The following IFI27L2 variants were observed in gnomAD, a reference collection of about 807,000 sequenced individuals.
IFI27L2 encodes interferon alpha-inducible protein 27-like protein 2.
In IFI27L2, 8 loss-of-function variants were observed where a neutral mutation model predicts 7.9. The ratio of observed to expected loss-of-function variants is 1.02; its 90% CI spans 0.60 to 1.84. IFI27L2 has a LOEUF of 1.84. Ranked by LOEUF, IFI27L2 falls within the 40% of genes most tolerant of loss-of-function variation. The pLI, the probability that IFI27L2 is intolerant of heterozygous loss-of-function variation, is 0.00. For synonymous variants in IFI27L2, 56 were observed against 66.5 expected (o/e 0.84, Z 0.77); for missense variants, 190 against 165.8 (o/e 1.15, Z -0.80).
Position 94,128,678 on chromosome 14 carries a change from G to C in IFI27L2, c.38-3C>G. The stretch of plus-strand genomic sequence containing the variant: ...GGGCACAGCCCCCACTGCCAGGGCT[G>C]TGGGGAGAGAGAAGCTGAGTGCAGA... On this transcript the variant is annotated splice_region_variant and splice_polypyrimidine_tract_variant and intron_variant, in intron 2 of 3. Transcript: ENST00000238609. 8 of 1,609,416 alleles carry C rather than the reference G, an allele frequency of 5.0e-6. No homozygotes were observed. Among genetic ancestry groups the C allele is most frequent in the Non-Finnish European group, 6.8e-6 (8 of 1,177,798 alleles).
chr14:94,129,246 G>A lies in IFI27L2; in HGVS notation c.37+16C>T. 6.2e-7 allele frequency: 1 copy of A among 1,610,344 alleles called. No homozygotes were observed. The highest frequency in any genetic ancestry group is 8.5e-7 in the Non-Finnish European group (1 of 1,177,068). On this transcript the variant is annotated intron_variant, in intron 2 of 3. Transcript: ENST00000238609. Reference sequence around the variant, plus strand: ...GCTAGGTGAGGGCCTGGAGACAGGCGATCCGGGTAACTTACCTCCTCCCAC... The same window carrying A: ...GCTAGGTGAGGGCCTGGAGACAGGCAATCCGGGTAACTTACCTCCTCCCAC...
intron 3 of IFI27L2, chr14:94,128,235 G>A (rs1036434957): frequency 5.1e-6 from 3 of 589,708 alleles, no homozygotes; most frequent in South Asian, 4.4e-5. Context: ...GAGGCCCAGA[G>A]AGGACAGGGG....
intron 2 of IFI27L2, 95 bp downstream of exon 2, chr14:94,129,167 T>G: frequency 1.0e-6 from 1 of 965,600 alleles, no homozygotes; most frequent in East Asian, 2.4e-5. Flanking sequence ...AAGTGGAGGG[T>G]GAGAGCCAGC....
In IFI27L2 at chr14:94,127,830, G is replaced by A; in HGVS notation, c.362C>T (p.Pro121Leu). The A allele has an allele frequency of 6.2e-7, 1 of 1,614,084 alleles. No homozygotes were observed. The highest frequency in any genetic ancestry group is 8.5e-7 in the Non-Finnish European group (1 of 1,179,956). Residue 121 changes from proline (P) to leucine (L), a missense_variant, in exon 4 of 4, where the codon CCC (proline) becomes CTC (leucine). Transcript: ENST00000238609. ...CTCATGTTTCTCTGACTTGAGTGGG[G>A]GTTTTGGAGGTTCACCTTGGGGTAC... ...ENVPQGEPPK[P>L]PLKSEKHEE
At position 94,128,460 on chromosome 14, in the gene IFI27L2, A is replaced by G. The variant is rs1180287933; in HGVS notation, c.199+54T>C. ...GGTGAGAAGAGCTTCCCTCGGGCTCAGCCTCAGGGCTGGATCTTCTCGCAG... is the reference window on the plus strand; with the variant it reads ...GGTGAGAAGAGCTTCCCTCGGGCTCGGCCTCAGGGCTGGATCTTCTCGCAG... On this transcript the variant is annotated intron_variant, in intron 3 of 3. Transcript: ENST00000238609. 17 of 1,559,584 alleles carry G rather than the reference A, an allele frequency of 1.1e-5. No individual in the cohort carries two copies. In the Admixed American group the frequency reaches 2.8e-4, roughly 26 times the overall value.
In IFI27L2 at chr14:94,129,297, G is replaced by C. The variant is rs372862628; in HGVS notation, c.8-6C>G. ...TGCAGCAGCAGCTGCCCGTTCTAGA[G>C]AGAGAGTGCCAGGGGAAGGCAGAGG... On this transcript the variant is annotated splice_region_variant and splice_polypyrimidine_tract_variant and intron_variant, in intron 1 of 3. Transcript: ENST00000238609. The C allele has an allele frequency of 1.4e-5, 22 of 1,605,434 alleles. No homozygotes were observed. Among genetic ancestry groups the C allele is most frequent in the Admixed American group, 3.4e-5 (2 of 59,532 alleles).
In IFI27L2 at chr14:94,129,283, C is replaced by G; in HGVS notation, c.16G>C (p.Ala6Pro). Residue 6 changes from alanine (A) to proline (P), a missense_variant, in exon 2 of 4, where the codon GCT (alanine) becomes CCT (proline). By Grantham distance (27) the Ala-to-Pro change is conservative (BLOSUM62 -1). Coordinates refer to ENST00000238609, the MANE Select transcript of IFI27L2 (RefSeq NM_032036.3). ...TTACCTCCTCCCACTGCAGCAGCAG[C>G]TGCCCGTTCTAGAGAGAGAGTGCCA... is the stretch of plus-strand genomic sequence containing the variant. MMKRA[A>P]AAAVGGALAV... is the part of the protein sequence containing the mutation. 6.2e-7 allele frequency: 1 copy of G among 1,612,152 alleles called. No homozygotes were observed. The highest frequency in any genetic ancestry group is 8.5e-7 in the Non-Finnish European group (1 of 1,179,288).
intron 3 of IFI27L2, chr14:94,128,241 A>G (rs1887620725): frequency 3.4e-6 from 2 of 593,506 alleles, no homozygotes; most frequent in Non-Finnish European, 6.0e-6. Context: ...CAGAGAGGAC[A>G]GGGGACCTTG....
Position 94,128,082 on chromosome 14 carries a change from G to A in IFI27L2, c.200-90C>T, listed in dbSNP as rs1887617783. On this transcript the variant is annotated intron_variant, in intron 3 of 3. Transcript: ENST00000238609. ...CTCCTCCAGGTCCTGAAAATCCCAG[G>A]GCTCTGCCATGGGTAGAAGCTGCTA... is the stretch of plus-strand genomic sequence containing the variant. The A allele has an allele frequency of 3.4e-5, 29 of 864,588 alleles. No individual in the cohort carries two copies. In the South Asian group the frequency reaches 4.2e-4, roughly 13 times the overall value. 53.6% of individuals were successfully genotyped at this position (864,588 alleles called of 1,614,324 possible). A position where few individuals can be genotyped will look rare whatever the true frequency, so the allele number is the denominator to read the frequency against.
intron 3 of IFI27L2, 27 bp downstream of exon 3, chr14:94,128,487 T>A (rs759479072): frequency 6.2e-7 from 1 of 1,610,680 alleles, no homozygotes; most frequent in South Asian, 1.1e-5. Flanking sequence ...TTCTCGCAGC[T>A]CTGGTGGTCC....
In IFI27L2 at chr14:94,128,945, T is replaced by TTGTGTGTGTGTG. The variant is rs60745025; in HGVS notation, c.38-282_38-271dup. ...TCAATACCCTTCATTGGTCTCAAAT[T>TTGTGTGTGTGTG]TGTGTGTGTGTGTGTGTGTGTGTGT... On this transcript the variant is annotated intron_variant, in intron 2 of 3. Coordinates refer to ENST00000238609, the MANE Select transcript of IFI27L2 (RefSeq NM_032036.3). 2.5e-3 allele frequency: 1,334 copies of TTGTGTGTGTGTG among 532,782 alleles called. 19 individuals carry two copies. Among genetic ancestry groups the TTGTGTGTGTGTG allele is most frequent in the African/African-American group, 0.024 (1,207 of 50,858 alleles). 33.0% of individuals were successfully genotyped at this position (532,782 alleles called of 1,614,324 possible). A position where few individuals can be genotyped will look rare whatever the true frequency, so the allele number is the denominator to read the frequency against.
intron 2 of IFI27L2, 115 bp downstream of exon 2, chr14:94,129,147 G>C: frequency 1.3e-6 from 1 of 773,490 alleles, no homozygotes; most frequent in South Asian, 1.7e-5. Context: ...GGCTACTCGG[G>C]CAGCTTCGGA....
chr14:94,128,966 T>C (rs1309247130), intron 2 of IFI27L2: 4 of 584,722 alleles, frequency 6.8e-6, no homozygotes, highest in Admixed American at 3.1e-5. Context: ...TGTGTGTGTG[T>C]GTGTGTGTGT....
chr14:94,129,156 G>A, intron 2 of IFI27L2, 106 bp downstream of exon 2: 1 of 849,914 alleles, frequency 1.2e-6, no homozygotes, highest in Non-Finnish European at 1.9e-6. Flanking sequence ...GGCAGCTTCG[G>A]AAGTGGAGGG....
At chr14:94,129,182 C>G (rs751243546) in intron 2 of IFI27L2, 80 bp downstream of exon 2, 1 of 1,149,352 alleles carries the variant, frequency 8.7e-7, no homozygotes, top group South Asian at 1.3e-5. Context: ...GCCAGCCCAG[C>G]GCCTCATCTC....
Position 94,128,586 on chromosome 14 carries a change from T to A in IFI27L2, c.127A>T (p.Met43Leu). ...CCGTTGGCAATGGCTGCTGCGGACA[T>A]CATCTTGGCTGCTATGGAGGACGCG... ...IAASSIAAKMMSAAAIANGGG... is the reference protein window; with the variant it reads ...IAASSIAAKMLSAAAIANGGG... The change falls in exon 3 of 4, where the codon ATG (methionine) becomes TTG (leucine). Residue 43 changes from methionine to leucine, a missense_variant. Coordinates refer to ENST00000238609, the MANE Select transcript of IFI27L2 (RefSeq NM_032036.3). The A allele has an allele frequency of 6.2e-7, 1 of 1,614,146 alleles. No individual in the cohort carries two copies. Among genetic ancestry groups the A allele is most frequent in the Non-Finnish European group, 8.5e-7 (1 of 1,179,986 alleles).
rs1451236854 is a variant in IFI27L2, at chr14:94,127,898, G to C, written c.294C>G (p.Leu98=). ...ACLGNSPSSS[L]PAEPEAKEDE... is the part of the protein sequence containing the mutation. ...CTTCTTTAGCCTCGGGTTCAGCTGGGAGAGAAGAAGAAGGTGAATTCCCCA... is the reference window on the plus strand; with the variant it reads ...CTTCTTTAGCCTCGGGTTCAGCTGGCAGAGAAGAAGAAGGTGAATTCCCCA... The change falls in exon 4 of 4, where the codon CTC becomes CTG. Residue 98 remains leucine, a synonymous_variant. Transcript: ENST00000238609. 3 of 1,613,730 alleles carry C rather than the reference G, an allele frequency of 1.9e-6. No individual in the cohort carries two copies. In the East Asian group the frequency reaches 6.7e-5, roughly 36 times the overall value.
chr14:94,128,132 G>A, intron 3 of IFI27L2, 140 bp from the exon 4 acceptor site: 1 of 624,474 alleles, frequency 1.6e-6, no homozygotes, highest in Admixed American at 2.9e-5. Flanking sequence ...ACAGCTCAGG[G>A]GTGAATTCAC....
At chr14:94,129,469 T>C in intron 1 of IFI27L2, 89 bp downstream of exon 1, 1 of 1,314,798 alleles carries the variant, frequency 7.6e-7, no homozygotes, top group Non-Finnish European at 1.1e-6. Flanking sequence ...AGTCAGGGAA[T>C]GAAGCTATTC....
Sources: gnomAD v4.1 joint callset for allele counts on GRCh38, gnomAD v4.1.1 for gene constraint, MANE v1.5 for transcripts, NCBI Gene and HGNC (gene_info 2026-07-23, HGNC 2026-07-21) for gene names.